Variants in L3MBTL2 observed in about 807,000 individuals in gnomAD.
L3MBTL2 encodes the protein lethal(3)malignant brain tumor-like protein 2.
A neutral mutation model predicts 86.4 loss-of-function variants in L3MBTL2; 49 were observed. The ratio of observed to expected loss-of-function variants is 0.57; its 90% confidence interval spans 0.45 to 0.72. The LOEUF (loss-of-function observed/expected upper bound fraction) is 0.72. Ranked by LOEUF, L3MBTL2 falls within the 30% of genes least tolerant of loss-of-function variation. The pLI, the probability that L3MBTL2 is intolerant of heterozygous loss-of-function variation, is 0.00. For synonymous variants in L3MBTL2, 336 were observed against 350.6 expected (o/e 0.96, Z 0.47); for missense variants, 755 against 923.7 (o/e 0.82, Z 2.37).
At chr22:41,212,154 G>A (rs999551096) in intron 2 of L3MBTL2, among the ~76,000 whole-genome samples, 1 of 152,084 alleles carries the variant, frequency 6.6e-6, no homozygotes, top group Non-Finnish European at 1.5e-5. Context: ...GTGAGCCACC[G>A]CTCCCGGCCT....
chr22:41,228,852 A>ACAC (rs1555921639), intron 15 of L3MBTL2, among the ~76,000 whole-genome samples: 8 of 126,028 alleles, frequency 6.3e-5, no homozygotes, highest in Admixed American at 1.5e-4. Flanking sequence ...TCCATCGCAC[A>ACAC]AAAAAAAAAA....
intron 1 of L3MBTL2, among the ~76,000 whole-genome samples, chr22:41,208,757 C>G (rs2030456837): frequency 6.6e-6 from 1 of 152,022 alleles, no homozygotes; most frequent in South Asian, 2.1e-4. Context: ...TTTTGTTTTT[C>G]TTTTTGAGAC....
chr22:41,216,505 T>C (rs1214536781), intron 4 of L3MBTL2, among the ~76,000 whole-genome samples: 2 of 152,166 alleles, frequency 1.3e-5, no homozygotes, highest in African/African-American at 4.8e-5. Context: ...AAGCCAAGAA[T>C]TGGCTGTTTT....
At chr22:41,229,751 T>C (rs2032454721) in intron 16 of L3MBTL2, 95 bp downstream of exon 16, 2 of 1,601,794 alleles carry the variant, frequency 1.2e-6, no homozygotes, top group Non-Finnish European at 1.7e-6. Context: ...AAGAGTAGAG[T>C]CAGGTTTCTT....
In L3MBTL2 at chr22:41,229,298, C is replaced by T. The variant is rs570309574; in HGVS notation, c.1889-242C>T. ...AAAAAAAGATTTTAAAAAGCAGTTA[C>T]AACCACGACTGCCTGGGGCTTGGTT... On this transcript the variant is annotated intron_variant, in intron 15 of 16. Coordinates refer to ENST00000216237, the MANE Select transcript of L3MBTL2 (RefSeq NM_031488.5). 2.6e-5 allele frequency among the ~76,000 whole-genome samples: 4 copies of T among 152,286 alleles called. No individual in the cohort carries two copies. The East Asian group carries it at 5.8e-4, about 22-fold the overall frequency.
At chr22:41,221,045 T>A (rs2031776271) in intron 7 of L3MBTL2, among the ~76,000 whole-genome samples, 154 bp from the exon 8 acceptor site, 1 of 152,252 alleles carries the variant, frequency 6.6e-6, no homozygotes, top group South Asian at 2.1e-4. Context: ...ACGTGTGGAA[T>A]CTGATGTTCT....
chr22:41,217,466 A>C, intron 5 of L3MBTL2: 1 of 455,014 alleles, frequency 2.2e-6, no homozygotes, highest in South Asian at 2.2e-5. Context: ...GCTGATGTCG[A>C]AGGGTCTTTG....
chr22:41,220,799 C>A lies in L3MBTL2; in HGVS notation c.784C>A (p.Leu262Met). The A allele has an allele frequency of 6.2e-7, 1 of 1,614,088 alleles. No homozygotes were observed. Among genetic ancestry groups the A allele is most frequent in the African/African-American group, 1.3e-5 (1 of 75,048 alleles). ...NDASHDFWCN[L>M]GTVDVHPIGW... ...CGCCAGCCATGACTTCTGGTGCAACCTGGGAACAGTGGATGTCCACCCCAT... is the reference window on the plus strand; with the variant it reads ...CGCCAGCCATGACTTCTGGTGCAACATGGGAACAGTGGATGTCCACCCCAT... The change falls in exon 7 of 17, where the codon CTG (leucine) becomes ATG (methionine). Residue 262 changes from leucine (L) to methionine (M), a missense_variant. Around this residue, in one of 3 missense-constraint regions of L3MBTL2, gnomAD observed 634 missense variants for 748.9 expected, o/e 0.85. Coordinates refer to ENST00000216237, the MANE Select transcript of L3MBTL2 (RefSeq NM_031488.5).
chr22:41,230,519 C>A lies in L3MBTL2; in HGVS notation c.*268C>A. 1 of 459,036 alleles carries A rather than the reference C, an allele frequency of 2.2e-6. No individual in the cohort carries two copies. The allele number at this position is 459,036 out of a possible 1,614,324, so 28.4% of individuals were successfully genotyped here. On this transcript the variant is annotated 3_prime_UTR_variant, in exon 17 of 17. Coordinates refer to ENST00000216237, the MANE Select transcript of L3MBTL2 (RefSeq NM_031488.5). ...TGAACCACCTTTTCCAGCCAGAGTT[C>A]CCAAAGCTGGAACGCTAGCTGCCTG...
At position 41,217,182 on chromosome 22, in the gene L3MBTL2, C is replaced by T; in HGVS notation, c.580C>T (p.Pro194Ser). 4 of 1,613,668 alleles carry T rather than the reference C, an allele frequency of 2.5e-6. No homozygotes were observed. Among genetic ancestry groups the T allele is most frequent in the Middle Eastern group, 1.6e-4 (1 of 6,062 alleles). ...GAAGGATCACAGTTACAAGGCTGCT[C>T]CCGTCAGCTGTTTCAAGCACGTGAG... ...FLKDHSYKAA[P>S]VSCFKHVPLY... Residue 194 changes from proline to serine, a missense_variant, in exon 5 of 17, where the codon CCC (proline) becomes TCC (serine). By Grantham distance (74) the Pro-to-Ser change is moderately conservative. Around this residue, in one of 3 missense-constraint regions of L3MBTL2, gnomAD observed 634 missense variants for 748.9 expected, o/e 0.85. Coordinates refer to ENST00000216237, the MANE Select transcript of L3MBTL2 (RefSeq NM_031488.5).
intron 2 of L3MBTL2, among the ~76,000 whole-genome samples, chr22:41,213,287 C>T (rs868599937): frequency 6.6e-6 from 1 of 152,136 alleles, no homozygotes; most frequent in Non-Finnish European, 1.5e-5. Flanking sequence ...AATAGAGCCA[C>T]AGAGGTTAAG....
Position 41,220,820 on chromosome 22 carries a change from C to T in L3MBTL2, c.805C>T (p.Pro269Ser), listed in dbSNP as rs757850956. 1 of 1,613,998 alleles carries T rather than the reference C, an allele frequency of 6.2e-7. No homozygotes were observed. The highest frequency in any genetic ancestry group is 1.1e-5 in the South Asian group (1 of 91,080). ...CAACCTGGGAACAGTGGATGTCCAC[C>T]CCATTGGCTGGTGTGCCATCAACAG... ...WCNLGTVDVH[P>S]IGWCAINSKI... Residue 269 changes from proline to serine, a missense_variant, in exon 7 of 17, where the codon CCC (proline) becomes TCC (serine). Pro to Ser is a moderately conservative substitution (Grantham distance 74). This residue lies in a region of L3MBTL2 where 634 missense variants were observed against 748.9 expected (regional missense o/e 0.85). Coordinates refer to ENST00000216237, the MANE Select transcript of L3MBTL2 (RefSeq NM_031488.5).
chr22:41,212,930 C>T (rs1312097474), intron 2 of L3MBTL2, among the ~76,000 whole-genome samples: 1 of 149,044 alleles, frequency 6.7e-6, no homozygotes, highest in African/African-American at 2.5e-5. Flanking sequence ...GATTAAAACA[C>T]TGATCTAGCT....
chr22:41,229,053 T>C (rs1426448952), intron 15 of L3MBTL2, among the ~76,000 whole-genome samples: 1 of 151,236 alleles, frequency 6.6e-6, no homozygotes. Flanking sequence ...AGCCCAAGAG[T>C]TTGAGACCAG....
intron 7 of L3MBTL2, 88 bp from the exon 8 acceptor site, chr22:41,221,111 G>A (rs1485347224): frequency 7.9e-7 from 1 of 1,259,598 alleles, no homozygotes. Flanking sequence ...CCACTGCTGA[G>A]GGGTCCCCAC....
rs1356264360 is a variant in L3MBTL2 at position 41,224,654 on chromosome 22, C to A, written c.1175-71C>A. The A allele has an allele frequency of 4.6e-6, 5 of 1,093,054 alleles. No homozygotes were observed. The highest frequency in any genetic ancestry group is 7.1e-6 in the Non-Finnish European group (5 of 709,114). 67.7% of individuals were successfully genotyped at this position (1,093,054 alleles called of 1,614,324 possible). On this transcript the variant is annotated intron_variant, in intron 9 of 16. Coordinates refer to ENST00000216237, the MANE Select transcript of L3MBTL2 (RefSeq NM_031488.5). The surrounding 1 kb of genome is among the most constrained non-coding windows in gnomAD (Gnocchi z 4.9). ...AGCAGCCCCACATTCCCAGGGGAGG[C>A]GTGTGGAGATGGCCCAGGAGCCGCC...
chr22:41,207,699 G>A (rs1241495847), intron 1 of L3MBTL2, among the ~76,000 whole-genome samples: 2 of 151,756 alleles, frequency 1.3e-5, no homozygotes, highest in Non-Finnish European at 2.9e-5. Flanking sequence ...TTGAGACAGT[G>A]TCTTCCCTCT....
intron 12 of L3MBTL2, 130 bp from the exon 13 acceptor site, chr22:41,226,532 G>A (rs1324140129): frequency 6.0e-5 from 43 of 715,488 alleles, no homozygotes; most frequent in East Asian, 2.6e-5. Context: ...GGGATGAGAA[G>A]AAGGCTGCTG....
intron 3 of L3MBTL2, among the ~76,000 whole-genome samples, chr22:41,215,723 C>G (rs147731000): frequency 0.016 from 2,487 of 152,140 alleles, 87 homozygotes; most frequent in African/African-American, 0.057. Flanking sequence ...CGAACATTCG[C>G]CTATGTGGAC....
Sources: allele counts gnomAD v4.1 joint callset (sites outside exome capture counted in the v4.1 genomes callset), GRCh38; gene constraint gnomAD v4.1.1; regional missense constraint gnomAD v4.1.1; non-coding constraint Gnocchi (gnomAD v3.1); transcripts MANE v1.5; gene names NCBI Gene and HGNC (gene_info 2026-07-23, HGNC 2026-07-21).